The following NFX1 variants were observed in gnomAD, a reference collection of about 807,000 sequenced individuals.
NFX1 encodes transcriptional repressor NF-X1.
NFX1 carries 69 observed loss-of-function variants against 137.2 expected under a neutral mutation model. The observed-to-expected ratio is 0.50, with a 90% CI of 0.41 to 0.61. The LOEUF (loss-of-function observed/expected upper bound fraction) is 0.61. Among genes scored for constraint, NFX1 ranks in the 20% least tolerant of loss-of-function variants. The probability of loss-of-function intolerance (pLI) is 0.00; values close to 1 mark genes in which losing one functional copy is unlikely to be tolerated. For missense variants in NFX1, 1,167 were observed against 1,391.0 expected, an observed-to-expected ratio of 0.84 and a Z score of 2.56; for synonymous variants, 495 against 474.1, an observed-to-expected ratio of 1.04 and a Z score of -0.57.
At chr9:33,364,847 T>C (rs1430573850) in intron 21 of NFX1, 73 bp downstream of exon 21, 3 of 1,581,426 alleles carry the variant, frequency 1.9e-6, no homozygotes, top group South Asian at 2.3e-5. Flanking sequence ...AATCAAGTCC[T>C]GGAAACACTT....
intron 12 of NFX1, among the ~76,000 whole-genome samples, chr9:33,341,417 A>G (rs1178582779): frequency 2.0e-5 from 3 of 152,202 alleles, no homozygotes; most frequent in African/African-American, 7.2e-5. Context: ...ACATGTGGGA[A>G]TTCAAGATAA....
At chr9:33,311,062 G>A in intron 5 of NFX1, 44 bp from the exon 6 acceptor site, 1 of 1,591,302 alleles carries the variant, frequency 6.3e-7, no homozygotes, top group Non-Finnish European at 8.6e-7. Flanking sequence ...GTTCGGGTTT[G>A]GATACATGGC....
intron 5 of NFX1, among the ~76,000 whole-genome samples, chr9:33,310,038 A>C (rs1202650137): frequency 6.6e-6 from 1 of 152,238 alleles, no homozygotes; most frequent in East Asian, 1.9e-4. Context: ...AAACATGCTT[A>C]AACTTATGTC....
chr9:33,347,142 A>G (rs1382303123), intron 15 of NFX1, 25 bp downstream of exon 15: 2 of 1,552,480 alleles, frequency 1.3e-6, no homozygotes, highest in East Asian at 2.3e-5. Context: ...TCAAGTGCTC[A>G]TTGTTCCAGG....
Position 33,344,124 on chromosome 9 carries a change from C to T in NFX1, c.2280C>T (p.Pro760=). The T allele has an allele frequency of 5.0e-6, 8 of 1,614,122 alleles. No individual in the cohort carries two copies. Among genetic ancestry groups the T allele is most frequent in the Non-Finnish European group, 5.9e-6 (7 of 1,179,986 alleles). The change falls in exon 14 of 24, where the codon CCC becomes CCT. Residue 760 remains proline (P), a synonymous_variant. Transcript: ENST00000379540. ...CGASVIYPPV[P]CGTRPPECTQ... is the part of the protein sequence containing the mutation. ...CATCAGTGATTTACCCTCCAGTTCC[C>T]TGTGGTACTAGGCCCCCTGAATGTA... is the stretch of plus-strand genomic sequence containing the variant.
At chr9:33,300,903 ATAGATTTAGAG>A (rs1821538595) in intron 2 of NFX1, among the ~76,000 whole-genome samples, 1 of 152,210 alleles carries the variant, frequency 6.6e-6, no homozygotes, top group African/African-American at 2.4e-5. Flanking sequence ...CATGGATCTG[ATAGATTTAGAG>A]GATCCTGGAA....
intron 4 of NFX1, among the ~76,000 whole-genome samples, chr9:33,305,927 C>T (rs535776112): frequency 1.2e-4 from 19 of 152,118 alleles, no homozygotes; most frequent in South Asian, 1.0e-3. Flanking sequence ...AAGACCCTAG[C>T]GGATGAAAGG....
At chr9:33,355,717 T>C (rs1432403911) in intron 19 of NFX1, among the ~76,000 whole-genome samples, 1 of 149,642 alleles carries the variant, frequency 6.7e-6, no homozygotes, top group Non-Finnish European at 1.5e-5. Flanking sequence ...TGATCTTGGC[T>C]CACTGCCACC....
intron 7 of NFX1, among the ~76,000 whole-genome samples, chr9:33,315,639 C>T (rs1822133508): frequency 6.6e-6 from 1 of 151,548 alleles, no homozygotes; most frequent in South Asian, 2.1e-4. Flanking sequence ...GTAGCTCATG[C>T]ACTCTGGGAG....
chr9:33,359,601 CA>C (rs77598372), intron 19 of NFX1, among the ~76,000 whole-genome samples: 89 of 139,644 alleles, frequency 6.4e-4, no homozygotes, highest in Middle Eastern at 3.6e-3. Flanking sequence ...TCAGTCTCAC[CA>C]AAAAAAAAAA....
chr9:33,364,273 G>T (rs1824103176), intron 20 of NFX1, among the ~76,000 whole-genome samples, 165 bp downstream of exon 20: 1 of 152,128 alleles, frequency 6.6e-6, no homozygotes, highest in Non-Finnish European at 1.5e-5. Flanking sequence ...CCTTCTCTTG[G>T]TTTCTCGAAA....
At chr9:33,294,185 C>G (rs1821261553) in intron 1 of NFX1, among the ~76,000 whole-genome samples, 1 of 152,200 alleles carries the variant, frequency 6.6e-6, no homozygotes, top group South Asian at 2.1e-4. Context: ...TTTTACTCGA[C>G]AACACTTAGC....
At chr9:33,311,354 C>T (rs1428500503) in intron 6 of NFX1, among the ~76,000 whole-genome samples, 177 bp downstream of exon 6, 2 of 151,528 alleles carry the variant, frequency 1.3e-5, no homozygotes, top group African/African-American at 4.9e-5. Context: ...AAGGAAAGGA[C>T]AGAAGGAAAG....
chr9:33,313,439 CAAAA>C (rs899150415), intron 6 of NFX1, among the ~76,000 whole-genome samples: 5 of 147,602 alleles, frequency 3.4e-5, no homozygotes, highest in African/African-American at 1.0e-4. Flanking sequence ...AAAAAAAAAA[CAAAA>C]ACAAAAACAG....
chr9:33,317,628 T>A (rs1335213040), intron 7 of NFX1, among the ~76,000 whole-genome samples: 1 of 151,328 alleles, frequency 6.6e-6, no homozygotes, highest in Non-Finnish European at 1.5e-5. Context: ...CACACCACTG[T>A]ACTCCAGCTG....
At chr9:33,341,464 A>G (rs1163333914) in intron 12 of NFX1, among the ~76,000 whole-genome samples, 1 of 152,064 alleles carries the variant, frequency 6.6e-6, no homozygotes, top group Non-Finnish European at 1.5e-5. Flanking sequence ...GTATCAGTGT[A>G]TATATATATA....
Position 33,366,635 on chromosome 9 carries a change from A to G in NFX1, c.3046A>G (p.Asn1016Asp). ...ATCTTTTCCCTCAATACAGGGAAAG[A>G]ATAGTAAGAAAAGCCACAGCTTCCC... is the stretch of plus-strand genomic sequence containing the variant. ...TLVEAVNKGK[N>D]SKKSHSFPPM... Residue 1016 changes from asparagine (N) to aspartate (D), a missense_variant, in exon 22 of 24, where the codon AAT becomes GAT. Coordinates refer to ENST00000379540, the MANE Select transcript of NFX1 (RefSeq NM_002504.6). 6.2e-7 allele frequency: 1 copy of G among 1,614,090 alleles called. No individual in the cohort carries two copies. The highest frequency in any genetic ancestry group is 8.5e-7 in the Non-Finnish European group (1 of 1,180,038).
At chr9:33,346,799 C>T (rs918639369) in intron 14 of NFX1, among the ~76,000 whole-genome samples, 5 of 152,224 alleles carry the variant, frequency 3.3e-5, no homozygotes, top group Admixed American at 6.5e-5. Context: ...GCTGCCTCAT[C>T]TGCTTCTGTT....
intron 17 of NFX1, 147 bp from the exon 18 acceptor site, chr9:33,353,939 C>T (rs1823729350): frequency 1.6e-6 from 1 of 623,840 alleles, no homozygotes; most frequent in African/African-American, 1.9e-5. Flanking sequence ...ATCCACCTGC[C>T]TTGGTTTCCC....
Sources: allele counts gnomAD v4.1 joint callset (sites outside exome capture counted in the v4.1 genomes callset), GRCh38; gene constraint gnomAD v4.1.1; transcripts MANE v1.5; gene names NCBI Gene and HGNC (gene_info 2026-07-23, HGNC 2026-07-21).